Variants in TAFA4 observed in about 807,000 individuals in gnomAD.
TAFA4 encodes the protein TAFA chemokine like family member 4.
In TAFA4, 20 loss-of-function variants were observed where a neutral mutation model predicts 21.1. That is an observed-to-expected ratio of 0.95 (90% CI 0.67 to 1.38). TAFA4 has a LOEUF of 1.38. Ranked by LOEUF, TAFA4 falls within the 40% of genes most tolerant of loss-of-function variation. The pLI is 0.00. For synonymous variants in TAFA4, 71 were observed against 67.4 expected (o/e 1.05, Z -0.26); for missense variants, 211 against 180.9 (o/e 1.17, Z -0.95).
intron 3 of TAFA4, among the ~76,000 whole-genome samples, chr3:68,854,302 A>T (rs1178552751): frequency 6.6e-6 from 1 of 152,088 alleles, no homozygotes; most frequent in African/African-American, 2.4e-5. Context: ...AGAGAATGGC[A>T]GACGACATCA....
At chr3:68,874,656 T>C (rs756136016) in intron 3 of TAFA4, among the ~76,000 whole-genome samples, 8 of 152,128 alleles carry the variant, frequency 5.3e-5, no homozygotes, top group Non-Finnish European at 1.0e-4. Context: ...CAAAGACAGT[T>C]GCCTGTTCTG....
intron 1 of TAFA4, among the ~76,000 whole-genome samples, chr3:68,900,089 A>C (rs2089829307): frequency 6.6e-6 from 1 of 150,594 alleles, no homozygotes; most frequent in African/African-American, 2.4e-5. Context: ...CACAAAAAAA[A>C]AAAAAAAACA....
At chr3:68,880,628 C>T (rs1284330110) in intron 3 of TAFA4, 102 bp downstream of exon 3, 9 of 903,108 alleles carry the variant, frequency 1.0e-5, no homozygotes, top group Admixed American at 9.8e-5. Context: ...TATTTACACA[C>T]CATCAGAAGC....
At chr3:68,822,076 G>T (rs966893900) in intron 3 of TAFA4, among the ~76,000 whole-genome samples, 1 of 152,134 alleles carries the variant, frequency 6.6e-6, no homozygotes, top group African/African-American at 2.4e-5. Flanking sequence ...GCTGTGAAGA[G>T]CTACTTGTTT....
At chr3:68,843,597 G>C (rs1371300876) in intron 3 of TAFA4, among the ~76,000 whole-genome samples, 4 of 152,196 alleles carry the variant, frequency 2.6e-5, no homozygotes, top group Admixed American at 2.6e-4. Context: ...TCTTGTGCGA[G>C]TTTTCAAGGG....
At chr3:68,815,199 A>C (rs1703943543) in intron 3 of TAFA4, among the ~76,000 whole-genome samples, 1 of 152,150 alleles carries the variant, frequency 6.6e-6, no homozygotes, top group African/African-American at 2.4e-5. Flanking sequence ...TAGACCTAAA[A>C]CCATAAAAAC....
chr3:68,740,996 G>C (rs533893929), intron 4 of TAFA4, among the ~76,000 whole-genome samples: 1 of 152,242 alleles, frequency 6.6e-6, no homozygotes, highest in African/African-American at 2.4e-5. Context: ...TCTGTTCCAT[G>C]GGTCTACATG....
chr3:68,851,302 A>C (rs1290903004), intron 3 of TAFA4, among the ~76,000 whole-genome samples: 1 of 152,148 alleles, frequency 6.6e-6, no homozygotes, highest in African/African-American at 2.4e-5. Flanking sequence ...AATTACATGG[A>C]CATAGGGAGG....
chr3:68,733,084 A>C lies in TAFA4; in HGVS notation c.*58T>G. On this transcript the variant is annotated 3_prime_UTR_variant, in exon 6 of 6. Coordinates refer to ENST00000295569, the MANE Select transcript of TAFA4 (RefSeq NM_182522.5). Reference sequence around the variant, plus strand: ...GCAAAGGGGCCATGATGGGAATCCAAGCAAAAGAGCTCCGCCTCCTGCTGC... The same window carrying C: ...GCAAAGGGGCCATGATGGGAATCCACGCAAAAGAGCTCCGCCTCCTGCTGC... 6.2e-7 allele frequency: 1 copy of C among 1,609,700 alleles called. No individual in the cohort carries two copies. The highest frequency in any genetic ancestry group is 1.1e-5 in the South Asian group (1 of 90,718).
chr3:68,931,527 G>A (rs1402257626), intron 1 of TAFA4, among the ~76,000 whole-genome samples: 1 of 152,184 alleles, frequency 6.6e-6, no homozygotes, highest in East Asian at 1.9e-4. Context: ...CTTGCGTAGG[G>A]TCAAGGATGC....
intron 3 of TAFA4, among the ~76,000 whole-genome samples, chr3:68,805,506 G>A (rs1020478202): frequency 1.2e-4 from 19 of 152,258 alleles, no homozygotes; most frequent in South Asian, 4.1e-4. Context: ...ACATGCACAC[G>A]TATGTTTATT....
At chr3:68,824,744 C>G (rs1190490556) in intron 3 of TAFA4, among the ~76,000 whole-genome samples, 1 of 152,172 alleles carries the variant, frequency 6.6e-6, no homozygotes, top group African/African-American at 2.4e-5. Flanking sequence ...TCACAGATGA[C>G]AATTTTGAAG....
At chr3:68,739,795 T>G (rs1340542320) in intron 4 of TAFA4, among the ~76,000 whole-genome samples, 1 of 152,208 alleles carries the variant, frequency 6.6e-6, no homozygotes, top group Non-Finnish European at 1.5e-5. Flanking sequence ...TCAGTCATTT[T>G]CTCACTTATA....
Position 68,760,745 on chromosome 3 carries a change from T to C in TAFA4, c.131-7727A>G, listed in dbSNP as rs185473971. Among the ~76,000 whole-genome samples the C allele has an allele frequency of 1.2e-3, 188 of 152,354 alleles. 1 individual carries two copies. The highest frequency in any genetic ancestry group is 4.4e-3 in the African/African-American group (184 of 41,578). On this transcript the variant is annotated intron_variant, in intron 3 of 5. Coordinates refer to ENST00000295569, the MANE Select transcript of TAFA4 (RefSeq NM_182522.5). ...TTCCCTTGGCGAACATGCCCAGTATTCCTAGTTGCAGTTCTCTAGTAATTC... is the reference window on the plus strand; with the variant it reads ...TTCCCTTGGCGAACATGCCCAGTATCCCTAGTTGCAGTTCTCTAGTAATTC...
At chr3:68,739,466 C>T (rs540819410) in intron 4 of TAFA4, among the ~76,000 whole-genome samples, 28 of 152,168 alleles carry the variant, frequency 1.8e-4, no homozygotes, top group Non-Finnish European at 4.0e-4. Context: ...AGTACAACCT[C>T]TATGGAAAAC....
At position 68,807,930 on chromosome 3, in the gene TAFA4, T is replaced by C. The variant is rs1396156897; in HGVS notation, c.131-54912A>G. ...GTGTTGTCATGCCAGAGCATCTACA[T>C]ATTGAGCTACAGATTATTGTATGTG... On this transcript the variant is annotated intron_variant, in intron 3 of 5. Transcript: ENST00000295569. Among the ~76,000 whole-genome samples the C allele has an allele frequency of 2.6e-5, 4 of 152,340 alleles. No homozygotes were observed. The East Asian group carries it at 7.7e-4, about 29-fold the overall frequency.
At chr3:68,792,313 T>TA (rs1168822781) in intron 3 of TAFA4, among the ~76,000 whole-genome samples, 2 of 152,192 alleles carry the variant, frequency 1.3e-5, no homozygotes, top group Non-Finnish European at 2.9e-5. Context: ...TGATTATACA[T>TA]ATAGACTCAC....
intron 3 of TAFA4, among the ~76,000 whole-genome samples, chr3:68,874,952 A>G (rs1180488888): frequency 1.3e-5 from 2 of 152,200 alleles, no homozygotes; most frequent in African/African-American, 4.8e-5. Context: ...CTTCTTATTA[A>G]AAGCTGAGCC....
intron 3 of TAFA4, among the ~76,000 whole-genome samples, chr3:68,780,303 C>T (rs1228639660): frequency 6.6e-6 from 1 of 152,130 alleles, no homozygotes; most frequent in Admixed American, 6.5e-5. Flanking sequence ...TGAGTTAAGA[C>T]TTTGGGAGAC....
Sources: allele counts gnomAD v4.1 joint callset (sites outside exome capture counted in the v4.1 genomes callset), GRCh38; gene constraint gnomAD v4.1.1; transcripts MANE v1.5; gene names NCBI Gene and HGNC (gene_info 2026-07-23, HGNC 2026-07-21).